Variants in ATP10A observed in about 807,000 individuals in gnomAD.
ATP10A encodes phospholipid-transporting ATPase VA.
Under a neutral mutation model 147.8 loss-of-function variants are expected in ATP10A, and 111 were observed. That is an observed-to-expected ratio of 0.75 (90% CI 0.64 to 0.88). ATP10A has a LOEUF of 0.88. ATP10A is among the 40% of genes least tolerant of loss of function. The pLI is 0.00. For missense variants in ATP10A, 1,927 were observed against 1,959.0 expected (o/e 0.98, Z 0.31); for synonymous variants, 875 against 841.6 (o/e 1.04, Z -0.69).
chr15:25,780,117 G>A (rs1331081555), intron 2 of ATP10A, among the ~76,000 whole-genome samples: 2 of 152,212 alleles, frequency 1.3e-5, no homozygotes, highest in Admixed American at 6.5e-5. Context: ...CAGTGCCCTC[G>A]CTGAGGTCCA....
At chr15:25,760,143 C>T (rs1045209877) in intron 2 of ATP10A, among the ~76,000 whole-genome samples, 1 of 152,044 alleles carries the variant, frequency 6.6e-6, no homozygotes, top group African/African-American at 2.4e-5. Context: ...TTTCAAAAAA[C>T]TTTTGACCGA....
intron 1 of ATP10A, among the ~76,000 whole-genome samples, chr15:25,821,314 G>A (rs1228705780): frequency 5.9e-5 from 9 of 152,108 alleles, no homozygotes; most frequent in South Asian, 2.1e-4. Context: ...ACTGCAGCCC[G>A]GGAGATCGAG....
chr15:25,756,498 C>T (rs1888415935), intron 2 of ATP10A, among the ~76,000 whole-genome samples: 1 of 152,092 alleles, frequency 6.6e-6, no homozygotes, highest in Non-Finnish European at 1.5e-5. Context: ...AAAAAATTAG[C>T]TGGGTGTGGT....
intron 3 of ATP10A, among the ~76,000 whole-genome samples, chr15:25,727,528 TAGAC>T (rs774889813): frequency 3.3e-5 from 5 of 152,122 alleles, no homozygotes; most frequent in Non-Finnish European, 7.3e-5. Context: ...GTTTTGCAGA[TAGAC>T]TTGTTTTCAC....
At chr15:25,696,521 G>A (rs1449466338) in intron 13 of ATP10A, among the ~76,000 whole-genome samples, 9 of 152,236 alleles carry the variant, frequency 5.9e-5, no homozygotes, top group Non-Finnish European at 1.3e-4. Context: ...GACTTCAGGC[G>A]GCACTTGGGC....
At chr15:25,845,333 TGTG>T (rs1892972508) in intron 1 of ATP10A, among the ~76,000 whole-genome samples, 1 of 152,068 alleles carries the variant, frequency 6.6e-6, no homozygotes, top group Admixed American at 6.5e-5. Flanking sequence ...TGTGTGTGTG[TGTG>T]TGTGTGTGTG....
At chr15:25,731,657 A>G (rs752138102) in intron 3 of ATP10A, among the ~76,000 whole-genome samples, 1 of 152,164 alleles carries the variant, frequency 6.6e-6, no homozygotes, top group Non-Finnish European at 1.5e-5. Context: ...TGCTGGGAAC[A>G]GCTGGAGAAG....
At chr15:25,849,340 G>C (rs1038822765) in intron 1 of ATP10A, among the ~76,000 whole-genome samples, 10 of 152,266 alleles carry the variant, frequency 6.6e-5, no homozygotes, top group Middle Eastern at 3.4e-3. Flanking sequence ...CTGTCCCTCC[G>C]GAGGCAGCAA....
At chr15:25,847,528 G>T (rs1023073653) in intron 1 of ATP10A, among the ~76,000 whole-genome samples, 1 of 148,266 alleles carries the variant, frequency 6.7e-6, no homozygotes, top group African/African-American at 2.5e-5. Flanking sequence ...CATGATCTTT[G>T]CGGGTCACGG....
At chr15:25,835,739 C>T (rs921765816) in intron 1 of ATP10A, among the ~76,000 whole-genome samples, 1 of 152,236 alleles carries the variant, frequency 6.6e-6, no homozygotes, top group Admixed American at 6.5e-5. Context: ...TCAAGCGGTC[C>T]TCCCACCTCA....
At chr15:25,788,983 G>T (rs896177361) in intron 1 of ATP10A, among the ~76,000 whole-genome samples, 2 of 152,062 alleles carry the variant, frequency 1.3e-5, no homozygotes, top group Admixed American at 6.6e-5. Flanking sequence ...TTTGAGACAG[G>T]GTCTTGATCT....
intron 2 of ATP10A, among the ~76,000 whole-genome samples, chr15:25,750,341 A>G (rs1888079179): frequency 6.6e-6 from 1 of 152,150 alleles, no homozygotes. Context: ...ATACCCAGTA[A>G]AGATATTTTT....
At chr15:25,675,359 A>C (rs1403351448), downstream of ATP10A, among the ~76,000 whole-genome samples, 1 of 152,246 alleles carries the variant, frequency 6.6e-6, no homozygotes, top group African/African-American at 2.4e-5. Context: ...AAGGTCAAGT[A>C]GTTCGAAAGT....
rs893325791 is a variant in ATP10A, at chr15:25,696,563, G to C, written c.2761-1417C>G. On this transcript the variant is annotated intron_variant, in intron 13 of 20. Transcript: ENST00000555815. The stretch of plus-strand genomic sequence containing the variant: ...CATAGGCTCATTACTGCAGAGCTCT[G>C]AGAGGGAGTAGCAGCCGATGGACCG... Among the ~76,000 whole-genome samples, 7 of 152,340 alleles carry C rather than the reference G, an allele frequency of 4.6e-5. No individual in the cohort carries two copies. In the South Asian group the frequency reaches 1.4e-3, roughly 32 times the overall value.
chr15:25,683,222 T>C lies in ATP10A; in HGVS notation c.3492+64A>G, dbSNP rs962421742. The C allele has an allele frequency of 4.0e-6, 6 of 1,505,460 alleles. No homozygotes were observed. In the African/African-American group the frequency reaches 8.3e-5, roughly 21 times the overall value. The allele number at this position is 1,505,460 out of a possible 1,614,324, so 93.3% of individuals were successfully genotyped here. A position where few individuals can be genotyped will look rare whatever the true frequency, so the allele number is the denominator to read the frequency against. On this transcript the variant is annotated intron_variant, in intron 17 of 20. Coordinates refer to ENST00000555815, the MANE Select transcript of ATP10A (RefSeq NM_024490.4). ...AAGGGAGGCTGGGGGACTGGCACTT[T>C]GGAAGAGTGAACGTGGAGGGCAGAG...
Position 25,781,025 on chromosome 15 carries a change from C to G in ATP10A, c.648G>C (p.Ser216=). 1 of 1,613,714 alleles carries G rather than the reference C, an allele frequency of 6.2e-7. No individual in the cohort carries two copies. Among genetic ancestry groups the G allele is most frequent in the Non-Finnish European group, 8.5e-7 (1 of 1,180,000 alleles). ...GGAAACGTGGGTCACTTACAAGCTC[C>G]GAGAAGCCGCGGACCACCTGCCGCC... ...LKRRQVVRGF[S]ELVSEFNPLT... Residue 216 remains serine, a synonymous_variant, in exon 2 of 21, where the codon TCG becomes TCC. Transcript: ENST00000555815.
chr15:25,862,600 C>T (rs1459655334), intron 1 of ATP10A, 48 bp downstream of exon 1: 4 of 1,483,760 alleles, frequency 2.7e-6, no homozygotes, highest in African/African-American at 1.4e-5. Context: ...TCCCGGGGCG[C>T]CCTGCCCTGC....
At chr15:25,704,787 GT>G (rs1437481876) in intron 12 of ATP10A, among the ~76,000 whole-genome samples, 4 of 152,204 alleles carry the variant, frequency 2.6e-5, no homozygotes, top group African/African-American at 9.6e-5. Flanking sequence ...GCTTTCCAAG[GT>G]ACTTGTTTGT....
chr15:25,812,131 G>A (rs1174667630), intron 1 of ATP10A, among the ~76,000 whole-genome samples: 1 of 152,220 alleles, frequency 6.6e-6, no homozygotes, highest in East Asian at 1.9e-4. Context: ...CTAAGAAACT[G>A]ACGCCTTGGA....
Sources: gnomAD v4.1 joint callset for allele counts (sites outside exome capture counted in the v4.1 genomes callset) on GRCh38, gnomAD v4.1.1 for gene constraint, MANE v1.5 for transcripts, NCBI Gene and HGNC (gene_info 2026-07-23, HGNC 2026-07-21) for gene names.